The following MYO18A variants were observed in gnomAD, a reference collection of about 807,000 sequenced individuals.
The protein encoded by MYO18A is myosin XVIIIA, also known as unconventional myosin-XVIIIa.
A neutral mutation model predicts 235.8 loss-of-function variants in MYO18A; 78 were observed. The observed-to-expected ratio is 0.33, with a 90% CI of 0.28 to 0.40. MYO18A has a LOEUF of 0.40. Ranked by LOEUF, MYO18A falls within the 10% of genes least tolerant of loss-of-function variation. The probability of loss-of-function intolerance (pLI) is 1.00; values close to 1 mark genes in which losing one functional copy is unlikely to be tolerated. For synonymous variants in MYO18A, 977 were observed against 1,077.8 expected (o/e 0.91, Z 1.83); for missense variants, 2,215 against 2,699.3 (o/e 0.82, Z 3.98).
rs2068285325 is a variant in MYO18A, at chr17:29,166,388, G to C, written c.553C>G (p.Pro185Ala). Residue 185 changes from proline (P) to alanine (A), a missense_variant, in exon 2 of 42, where the codon CCT becomes GCT. Physicochemically the swap from Pro to Ala is conservative, Grantham distance 27. Transcript: ENST00000527372. ...GCTCGGGATCGGTGCCCTGGTCGAG[G>C]GATGCCTGGGCCAGGATGCTGCACC... ...QLVQHPGPGI[P>A]RPGHRSRAPE... is the part of the protein sequence containing the mutation. 4 of 1,613,698 alleles carry C rather than the reference G, an allele frequency of 2.5e-6. 1 individual carries two copies. In the South Asian group the frequency reaches 3.3e-5, roughly 13 times the overall value.
chr17:29,116,728 C>A (rs2067079409), intron 10 of MYO18A, among the ~76,000 whole-genome samples: 1 of 19,474 alleles, frequency 5.1e-5, no homozygotes, highest in African/African-American at 1.5e-4. Flanking sequence ...CACACCCTCC[C>A]CCCCCCCCCC....
Position 29,120,480 on chromosome 17 carries a change from A to G in MYO18A, c.1728+136T>C. 3 of 1,205,896 alleles carry G rather than the reference A, an allele frequency of 2.5e-6. No homozygotes were observed. The highest frequency in any genetic ancestry group is 3.4e-6 in the Non-Finnish European group (3 of 870,782). The allele number at this position is 1,205,896 out of a possible 1,614,324, so 74.7% of individuals were successfully genotyped here. ...GTGATGCCTCTGGATAGTGCAGGCC[A>G]ACCCTGCCCATGCCTGGGTCAATTT... On this transcript the variant is annotated intron_variant, in intron 7 of 41. Coordinates refer to ENST00000527372, the MANE Select transcript of MYO18A (RefSeq NM_078471.4). The surrounding 1 kb of genome is among the most constrained non-coding windows in gnomAD (Gnocchi z 4.2).
chr17:29,085,563 C>T, intron 40 of MYO18A, 41 bp downstream of exon 40: 1 of 1,607,016 alleles, frequency 6.2e-7, no homozygotes, highest in Non-Finnish European at 8.5e-7. Flanking sequence ...GGTTAGACAC[C>T]CGCGAGGACA....
chr17:29,121,012 T>C lies in MYO18A; in HGVS notation c.1571A>G (p.Asn524Ser), dbSNP rs371594418. Reference protein sequence around the residue: ...YLATIAGISGNKVFSVEKWQA... With the variant: ...YLATIAGISGSKVFSVEKWQA... The stretch of plus-strand genomic sequence containing the variant: ...CCCTGCCTCACCAGAAAACACCTTG[T>C]TCCCGCTGATGCCCGCGATGGTGGC... Residue 524 changes from asparagine (N) to serine (S), a missense_variant, in exon 6 of 42, where the codon AAC becomes AGC. By Grantham distance (46) the Asn-to-Ser change is conservative. Transcript: ENST00000527372. The surrounding 1 kb of genome is among the most constrained non-coding windows in gnomAD (Gnocchi z 4.2). 6.2e-6 allele frequency: 10 copies of C among 1,611,370 alleles called. No individual in the cohort carries two copies. In the African/African-American group the frequency reaches 1.1e-4, roughly 17 times the overall value.
chr17:29,081,286 C>G (rs1455925673), intron 41 of MYO18A, among the ~76,000 whole-genome samples: 1 of 152,210 alleles, frequency 6.6e-6, no homozygotes, highest in Non-Finnish European at 1.5e-5. Context: ...CCCCTCTAAA[C>G]GTTTAGTTCA....
Position 29,166,862 on chromosome 17 carries a change from GCTCCTTTTT to G in MYO18A, c.70_78del (p.Lys24_Glu26del), listed in dbSNP as rs751235067. Reference sequence around the variant, plus strand: ...CTCCGAAGCTCTGCCGCTGACATCCGCTCCTTTTTCTCCTTTTTCTCCTTCTTCTCCTTC... The same window carrying G: ...CTCCGAAGCTCTGCCGCTGACATCCGCTCCTTTTTCTCCTTCTTCTCCTTC... On this transcript the variant is annotated inframe_deletion, in exon 2 of 42. Transcript: ENST00000527372. 1.6e-4 allele frequency: 256 copies of G among 1,560,066 alleles called. No homozygotes were observed. The highest frequency in any genetic ancestry group is 7.1e-4 in the African/African-American group (52 of 73,342).
At chr17:29,094,884 G>C (rs777414137) in intron 29 of MYO18A, 34 bp from the exon 30 acceptor site, 2 of 1,613,896 alleles carry the variant, frequency 1.2e-6, no homozygotes, top group Middle Eastern at 1.6e-4. Context: ...GTGCAGGGCT[G>C]ACCCCAGGTT....
chr17:29,148,580 TTTTGTGTG>T (rs1175914337), intron 2 of MYO18A, among the ~76,000 whole-genome samples: 1 of 113,932 alleles, frequency 8.8e-6, no homozygotes, highest in African/African-American at 3.8e-5. Context: ...TCCTTTATTC[TTTTGTGTG>T]TGTGTGTGTG....
chr17:29,115,131 C>A (rs1259008525), intron 13 of MYO18A, 32 bp from the exon 14 acceptor site: 3 of 1,584,516 alleles, frequency 1.9e-6, no homozygotes, highest in African/African-American at 2.7e-5. Context: ...CAGAGCCTCG[C>A]TGGTTGGCCC....
intron 15 of MYO18A, among the ~76,000 whole-genome samples, chr17:29,113,810 C>T (rs1300129413): frequency 3.9e-5 from 6 of 152,212 alleles, no homozygotes; most frequent in Non-Finnish European, 8.8e-5. Flanking sequence ...AAAGTGCCAC[C>T]TTCCTGGCCA....
chr17:29,100,026 G>A (rs1267393472), intron 21 of MYO18A, among the ~76,000 whole-genome samples: 1 of 152,086 alleles, frequency 6.6e-6, no homozygotes, highest in Non-Finnish European at 1.5e-5. Flanking sequence ...AAAGGAGAGG[G>A]AAGGTAAAGG....
intron 31 of MYO18A, 21 bp downstream of exon 31, chr17:29,093,959 G>C: frequency 6.4e-7 from 1 of 1,560,798 alleles, no homozygotes; most frequent in Non-Finnish European, 8.7e-7. Flanking sequence ...CGCTGGACAG[G>C]TAAGTACTCA....
intron 2 of MYO18A, among the ~76,000 whole-genome samples, chr17:29,133,130 T>A (rs2067512952): frequency 1.3e-5 from 2 of 152,228 alleles, no homozygotes; most frequent in African/African-American, 4.8e-5. Flanking sequence ...GGACCCCAAA[T>A]GTCTGGCCCA....
At chr17:29,141,437 G>GAAA (rs56208330) in intron 2 of MYO18A, among the ~76,000 whole-genome samples, 1 of 142,464 alleles carries the variant, frequency 7.0e-6, no homozygotes. Flanking sequence ...TCCTCTTTAG[G>GAAA]AAAAAAAAAA....
Position 29,165,988 on chromosome 17 carries a change from C to T in MYO18A, c.953G>A (p.Arg318Lys). Residue 318 changes from arginine to lysine, a missense_variant, in exon 2 of 42, where the codon AGG (arginine) becomes AAG (lysine). Arg to Lys is a conservative substitution (Grantham distance 26, BLOSUM62 2). Transcript: ENST00000527372. The stretch of plus-strand genomic sequence containing the variant: ...TCCCTCGCCGCTCCGCAGCCAGCTC[C>T]TGCTGAGCTCGCTGAGCTCTGGAAT... ...QPIPELSELS[R>K]SWLRSGEGPR... 1 of 1,613,600 alleles carries T rather than the reference C, an allele frequency of 6.2e-7. No individual in the cohort carries two copies.
rs751844616 is a variant in MYO18A at position 29,110,590 on chromosome 17, G to C, written c.2933C>G (p.Ala978Gly). The C allele has an allele frequency of 4.3e-6, 7 of 1,609,308 alleles. No homozygotes were observed. In the South Asian group the frequency reaches 5.5e-5, roughly 13 times the overall value. ...GCCAGAGAGCACCGTGGCACTGCCT[G>C]CGCGGCCCAGAAACAGGTTGCTGAT... ...KIISNLFLGR[A>G]GSATVLSGSI... The change falls in exon 18 of 42, where the codon GCA (alanine) becomes GGA (glycine). Residue 978 changes from alanine (A) to glycine (G), a missense_variant. By Grantham distance (60) the Ala-to-Gly change is moderately conservative (BLOSUM62 0). Coordinates refer to ENST00000527372, the MANE Select transcript of MYO18A (RefSeq NM_078471.4).
chr17:29,082,538 G>A (rs1320361678), intron 40 of MYO18A, 100 bp from the exon 41 acceptor site: 44 of 1,283,408 alleles, frequency 3.4e-5, no homozygotes, highest in Non-Finnish European at 4.5e-5. Context: ...CAGGGGGGAT[G>A]TGGGCAGCAT....
chr17:29,154,124 G>A (rs537977487), intron 2 of MYO18A, among the ~76,000 whole-genome samples: 436 of 150,716 alleles, frequency 2.9e-3, no homozygotes, highest in Middle Eastern at 0.014. Context: ...GTGTGTGTGC[G>A]CGCGCGTGCG....
At chr17:29,085,985 G>A (rs538708505) in intron 39 of MYO18A, among the ~76,000 whole-genome samples, 158 of 152,298 alleles carry the variant, frequency 1.0e-3, no homozygotes, top group African/African-American at 3.6e-3. Context: ...GTGCTACCCC[G>A]CACTGCTGGC....
Sources: allele counts gnomAD v4.1 joint callset (sites outside exome capture counted in the v4.1 genomes callset), GRCh38; gene constraint gnomAD v4.1.1; non-coding constraint Gnocchi (gnomAD v3.1); transcripts MANE v1.5; gene names NCBI Gene and HGNC (gene_info 2026-07-23, HGNC 2026-07-21).